SPATA13: variants seen among roughly 807,000 people sequenced by gnomAD.
The protein encoded by SPATA13 is spermatogenesis-associated protein 13.
SPATA13 carries 50 observed loss-of-function variants against 104.0 expected under a neutral mutation model. That is an observed-to-expected ratio of 0.48 (90% confidence interval 0.38 to 0.61). The LOEUF is 0.61. SPATA13 is among the 20% of genes least tolerant of loss of function. The pLI, the probability that SPATA13 is intolerant of heterozygous loss-of-function variation, is 0.00. For synonymous variants in SPATA13, 606 were observed against 667.5 expected (o/e 0.91, Z 1.42); for missense variants, 1,524 against 1,690.6 (o/e 0.90, Z 1.73).
At chr13:24,274,910 C>T (rs1258662612) in intron 4 of SPATA13, among the ~76,000 whole-genome samples, 1 of 152,154 alleles carries the variant, frequency 6.6e-6, no homozygotes, top group Non-Finnish European at 1.5e-5. Flanking sequence ...AAATCTATGT[C>T]TCCTTGTTGT....
chr13:24,229,528 G>A (rs1872143422), intron 2 of SPATA13, among the ~76,000 whole-genome samples: 1 of 152,162 alleles, frequency 6.6e-6, no homozygotes, highest in South Asian at 2.1e-4. Flanking sequence ...GACACTGACT[G>A]CCCACTGTGT....
rs751316498 is a variant in SPATA13 at position 24,290,653 on chromosome 13, A to G, written c.2849A>G (p.Gln950Arg). 5 of 1,613,570 alleles carry G rather than the reference A, an allele frequency of 3.1e-6. No individual in the cohort carries two copies. The highest frequency in any genetic ancestry group is 4.2e-6 in the Non-Finnish European group (5 of 1,179,468). Reference sequence around the variant, plus strand: ...CGAAGCTGTACTTTTCCTTCCCAGCAAGAGGGCTTTGCCATCTATTCCGAG... The same window carrying G: ...CGAAGCTGTACTTTTCCTTCCCAGCGAGAGGGCTTTGCCATCTATTCCGAG... ...SEIGSCFLQN[Q>R]EGFAIYSEYC... The change falls in exon 9 of 13, where the codon CAA (glutamine) becomes CGA (arginine). Residue 950 changes from glutamine (Q) to arginine (R), a missense_variant and splice_region_variant. Coordinates refer to ENST00000382108, the MANE Select transcript of SPATA13 (RefSeq NM_001166271.3).
chr13:24,199,321 A>G (rs1199182501), intron 1 of SPATA13, among the ~76,000 whole-genome samples: 25 of 152,202 alleles, frequency 1.6e-4, no homozygotes. Flanking sequence ...ATCTTGCTAG[A>G]TGGCCTGTTC....
At chr13:23,991,439 A>G (rs1875412336) in intron 2 of SPATA13, among the ~76,000 whole-genome samples, 1 of 152,152 alleles carries the variant, frequency 6.6e-6, no homozygotes, top group Non-Finnish European at 1.5e-5. Context: ...TTTCAGCTGA[A>G]GACACTCTCA....
chr13:24,193,421 T>C (rs1056701353), intron 1 of SPATA13, among the ~76,000 whole-genome samples: 8 of 152,168 alleles, frequency 5.3e-5, no homozygotes, highest in African/African-American at 1.9e-4. Flanking sequence ...GGTGAGCAGA[T>C]GCCTCAGCGT....
At chr13:24,122,199 T>C in intron 3 of SPATA13, 1 of 1,484,810 alleles carries the variant, frequency 6.7e-7, no homozygotes, top group Non-Finnish European at 9.4e-7. Context: ...AGCATTGCTA[T>C]ATACTGTAAC....
At chr13:24,195,815 T>G (rs1870023591) in intron 1 of SPATA13, among the ~76,000 whole-genome samples, 1 of 152,146 alleles carries the variant, frequency 6.6e-6, no homozygotes, top group South Asian at 2.1e-4. Flanking sequence ...TAGCTAAATA[T>G]TAACACCTGT....
chr13:24,018,002 T>G (rs1400145173), intron 3 of SPATA13, among the ~76,000 whole-genome samples: 2 of 152,244 alleles, frequency 1.3e-5, no homozygotes, highest in African/African-American at 4.8e-5. Flanking sequence ...CTAAATGTTC[T>G]GCTAGTGTGG....
chr13:24,044,884 G>A (rs1878071656), intron 3 of SPATA13, among the ~76,000 whole-genome samples: 1 of 148,440 alleles, frequency 6.7e-6, no homozygotes, highest in Non-Finnish European at 1.5e-5. Context: ...GGTTTCCAGA[G>A]GAGGGGGTGG....
At chr13:24,035,251 T>A (rs1289979053) in intron 3 of SPATA13, among the ~76,000 whole-genome samples, 1 of 151,668 alleles carries the variant, frequency 6.6e-6, no homozygotes, top group Non-Finnish European at 1.5e-5. Context: ...ACCTCCCACA[T>A]TCAGGCAATT....
At chr13:24,055,202 TA>T (rs1314850016) in intron 3 of SPATA13, among the ~76,000 whole-genome samples, 1 of 152,238 alleles carries the variant, frequency 6.6e-6, no homozygotes, top group Non-Finnish European at 1.5e-5. Context: ...CTTATACACT[TA>T]AATGACATCA....
chr13:24,081,926 G>A (rs1168127172), intron 3 of SPATA13, among the ~76,000 whole-genome samples: 1 of 152,166 alleles, frequency 6.6e-6, no homozygotes, highest in Non-Finnish European at 1.5e-5. Context: ...GGTGCTCTCT[G>A]GGAGTCTATT....
chr13:24,156,621 A>C (rs1225202726), upstream of SPATA13, among the ~76,000 whole-genome samples: 2 of 152,220 alleles, frequency 1.3e-5, no homozygotes, highest in African/African-American at 4.8e-5. Context: ...TTAGAGAGAG[A>C]TCTGCTCTAG....
intron 3 of SPATA13, among the ~76,000 whole-genome samples, chr13:24,138,318 A>C (rs7991170): frequency 8.7e-5 from 7 of 80,508 alleles, no homozygotes; most frequent in Non-Finnish European, 1.4e-4. Flanking sequence ...AAAAAAAAAA[A>C]AAACAGTTTT....
intron 3 of SPATA13, among the ~76,000 whole-genome samples, chr13:24,067,757 T>A (rs1055582006): frequency 6.6e-6 from 1 of 152,170 alleles, no homozygotes. Flanking sequence ...TAGGCTGGAG[T>A]GCAGTGACAT....
intron 2 of SPATA13, among the ~76,000 whole-genome samples, chr13:24,008,401 A>G (rs9510989): frequency 6.6e-6 from 1 of 151,978 alleles, no homozygotes; most frequent in East Asian, 1.9e-4. Context: ...GGGCTGGCTG[A>G]TCTTGACGCT....
chr13:24,058,255 C>A (rs556062782), intron 3 of SPATA13, among the ~76,000 whole-genome samples: 1 of 151,870 alleles, frequency 6.6e-6, no homozygotes, highest in Non-Finnish European at 1.5e-5. Flanking sequence ...AAACTCTCTA[C>A]GTGATATTGT....
chr13:24,072,947 C>T (rs575808000), intron 3 of SPATA13, among the ~76,000 whole-genome samples: 3 of 151,278 alleles, frequency 2.0e-5, no homozygotes, highest in South Asian at 2.1e-4. Flanking sequence ...CAGGTAAACT[C>T]GCAAACTCTA....
chr13:24,012,132 G>A (rs1017946206), intron 2 of SPATA13, among the ~76,000 whole-genome samples: 3 of 152,224 alleles, frequency 2.0e-5, no homozygotes, highest in African/African-American at 7.2e-5. Context: ...CAAGAAGCCA[G>A]GTGTGTAACC....
Sources: allele counts gnomAD v4.1 joint callset (sites outside exome capture counted in the v4.1 genomes callset), GRCh38; gene constraint gnomAD v4.1.1; transcripts MANE v1.5; gene names NCBI Gene and HGNC (gene_info 2026-07-23, HGNC 2026-07-21).